Variants in HPGD observed in about 807,000 individuals in gnomAD.
The protein encoded by HPGD is 15-hydroxyprostaglandin dehydrogenase [NAD(+)].
In HPGD, 29 loss-of-function variants were observed where a neutral mutation model predicts 30.0. That is an observed-to-expected ratio of 0.97 (90% CI 0.72 to 1.32). The LOEUF is 1.32. Among genes scored for constraint, HPGD ranks in the 40% most tolerant of loss-of-function variants. The pLI, the probability that HPGD is intolerant of heterozygous loss-of-function variation, is 0.00. For synonymous variants in HPGD, 99 were observed against 112.4 expected (o/e 0.88, Z 0.75); for missense variants, 340 against 322.1 (o/e 1.06, Z -0.43).
chr4:174,522,607 A>G (rs552078994), upstream of HPGD: 723 of 537,250 alleles, frequency 1.3e-3, 3 homozygotes, highest in South Asian at 1.8e-3. Context: ...CCGCCGGGGA[A>G]CCCACGACTG....
intron 2 of HPGD, among the ~76,000 whole-genome samples, chr4:174,519,245 G>A (rs555530808): frequency 6.9e-6 from 1 of 145,938 alleles, no homozygotes; most frequent in African/African-American, 2.6e-5. Context: ...TCGGAGCCTC[G>A]TTCTGTCCCC....
intron 4 of HPGD, among the ~76,000 whole-genome samples, chr4:174,499,876 A>G (rs1734820413): frequency 6.8e-6 from 1 of 147,126 alleles, no homozygotes; most frequent in African/African-American, 2.5e-5. Flanking sequence ...TTGCTTTTCT[A>G]TGAACACTCT....
chr4:174,514,196 G>A (rs560785394), intron 3 of HPGD, among the ~76,000 whole-genome samples: 1 of 152,188 alleles, frequency 6.6e-6, no homozygotes, highest in East Asian at 1.9e-4. Context: ...GCCAAGAGAT[G>A]TAAGTATGAT....
At chr4:174,521,918 T>C (rs1237855509) in intron 2 of HPGD, 26 bp downstream of exon 2, 9 of 1,613,754 alleles carry the variant, frequency 5.6e-6, no homozygotes, top group Non-Finnish European at 7.6e-6. Flanking sequence ...ACGTTCCCAG[T>C]TGACAGATTG....
chr4:174,493,379 A>G lies in HPGD; in HGVS notation c.499-65T>C. The G allele has an allele frequency of 3.4e-6, 5 of 1,477,594 alleles. No individual in the cohort carries two copies. The South Asian group carries it at 4.6e-5, about 13-fold the overall frequency. 91.5% of individuals were successfully genotyped at this position (1,477,594 alleles called of 1,614,324 possible). Reference sequence around the variant, plus strand: ...ACATATAGCACAGGACAAACTGATCATTAAAGCATCTTACAATTTTCTGAT... The same window carrying G: ...ACATATAGCACAGGACAAACTGATCGTTAAAGCATCTTACAATTTTCTGAT... On this transcript the variant is annotated intron_variant, in intron 5 of 6. Coordinates refer to ENST00000296522, the MANE Select transcript of HPGD (RefSeq NM_000860.6).
Position 174,490,417 on chromosome 4 carries a change from T to C in HPGD, c.*1539A>G, listed in dbSNP as rs550793610. On this transcript the variant is annotated 3_prime_UTR_variant, in exon 7 of 7. Coordinates refer to ENST00000296522, the MANE Select transcript of HPGD (RefSeq NM_000860.6). The surrounding 1 kb of genome is among the most constrained non-coding windows in gnomAD (Gnocchi z 4.4). ...TATTGAAGGCTACTAGTCCAAAAAA[T>C]TGTCCATAAATGAAAAGGTTATACT... The C allele has an allele frequency of 6.6e-6, 1 of 152,282 alleles. No homozygotes were observed. The highest frequency in any genetic ancestry group is 6.6e-5 in the Admixed American group (1 of 15,266). 9.4% of individuals were successfully genotyped at this position (152,282 alleles called of 1,614,324 possible).
chr4:174,492,314 T>C lies in HPGD; in HGVS notation c.663-220A>G, dbSNP rs1454376085. Among the ~76,000 whole-genome samples, 1 of 151,972 alleles carries C rather than the reference T, an allele frequency of 6.6e-6. No homozygotes were observed. The highest frequency in any genetic ancestry group is 1.5e-5 in the Non-Finnish European group (1 of 67,870). On this transcript the variant is annotated intron_variant, in intron 6 of 6. Coordinates refer to ENST00000296522, the MANE Select transcript of HPGD (RefSeq NM_000860.6). The surrounding 1 kb of genome is among the most constrained non-coding windows in gnomAD (Gnocchi z 4.9). ...TTCAATTAGATTTCTTTCAATTGGATATTAACTAAATTATTTGATAAATTT... is the reference window on the plus strand; with the variant it reads ...TTCAATTAGATTTCTTTCAATTGGACATTAACTAAATTATTTGATAAATTT...
At chr4:174,516,237 A>C (rs1735763354) in intron 3 of HPGD, among the ~76,000 whole-genome samples, 1 of 152,166 alleles carries the variant, frequency 6.6e-6, no homozygotes, top group South Asian at 2.1e-4. Context: ...GACGGAATCA[A>C]CCTAGATGCC....
rs1735876458 is a variant in HPGD at position 174,517,958 on chromosome 4, T to A, written c.324+13A>T. The A allele has an allele frequency of 1.5e-6, 2 of 1,316,838 alleles. No homozygotes were observed. The highest frequency in any genetic ancestry group is 2.9e-5 in the African/African-American group (2 of 69,074). The allele number at this position is 1,316,838 out of a possible 1,614,324, so 81.6% of individuals were successfully genotyped here. ...AATAATTATAGACAAGAAATATAGC[T>A]AAGATAACTCACCAAATTAATTTGC... On this transcript the variant is annotated intron_variant, in intron 3 of 6. Coordinates refer to ENST00000296522, the MANE Select transcript of HPGD (RefSeq NM_000860.6).
At position 174,492,272 on chromosome 4, in the gene HPGD, CTTAT is replaced by C. The variant is rs944262615; in HGVS notation, c.663-182_663-179del. 1.3e-5 allele frequency among the ~76,000 whole-genome samples: 2 copies of C among 151,814 alleles called. No homozygotes were observed. The highest frequency in any genetic ancestry group is 2.9e-5 in the Non-Finnish European group (2 of 67,850). On this transcript the variant is annotated intron_variant, in intron 6 of 6. Transcript: ENST00000296522. This position sits in a 1 kb window ranked among gnomAD's most constrained non-coding sequence, Gnocchi z 4.9. ...CATATTAGATATCTAGATTAGATAT[CTTAT>C]TTATCTAATTTATTCAATTAGATTT...
chr4:174,501,148 C>G (rs760603412), intron 4 of HPGD, among the ~76,000 whole-genome samples: 1 of 152,020 alleles, frequency 6.6e-6, no homozygotes, highest in Non-Finnish European at 1.5e-5. Flanking sequence ...GTGTGTAAAA[C>G]CAATGGGAGG....
At chr4:174,522,587 A>T (rs1347360364), upstream of HPGD, 1 of 579,740 alleles carries the variant, frequency 1.7e-6, no homozygotes, top group Non-Finnish European at 2.8e-6. Context: ...GGAAACTGTC[A>T]AGCCAGCGCC....
chr4:174,499,915 G>A (rs963889214), intron 4 of HPGD, among the ~76,000 whole-genome samples: 1 of 151,880 alleles, frequency 6.6e-6, no homozygotes, highest in African/African-American at 2.4e-5. Flanking sequence ...TCACTCCTGA[G>A]GATAAAAATT....
intron 2 of HPGD, among the ~76,000 whole-genome samples, chr4:174,518,723 A>T (rs896254177): frequency 6.6e-6 from 1 of 152,178 alleles, no homozygotes; most frequent in Non-Finnish European, 1.5e-5. Context: ...GATTACTAGG[A>T]TTACTAGTTT....
chr4:174,522,632 T>A, upstream of HPGD: 1 of 495,274 alleles, frequency 2.0e-6, no homozygotes, highest in South Asian at 3.3e-5. Flanking sequence ...ACCTGCCCCC[T>A]GAGCGTTCTG....
chr4:174,521,463 T>C (rs1430680437), intron 2 of HPGD, among the ~76,000 whole-genome samples: 2 of 152,218 alleles, frequency 1.3e-5, no homozygotes, highest in Admixed American at 6.5e-5. Context: ...AGAAAACATA[T>C]GGTCAAAAGC....
At chr4:174,502,483 C>G (rs1037615333) in intron 4 of HPGD, among the ~76,000 whole-genome samples, 3 of 151,972 alleles carry the variant, frequency 2.0e-5, no homozygotes, top group African/African-American at 7.2e-5. Flanking sequence ...TGGTGACCAT[C>G]CTGGCTAACA....
At position 174,491,842 on chromosome 4, in the gene HPGD, T is replaced by A; in HGVS notation, c.*114A>T. 1.0e-6 allele frequency: 1 copy of A among 1,003,576 alleles called. No individual in the cohort carries two copies. Among genetic ancestry groups the A allele is most frequent in the Non-Finnish European group, 1.6e-6 (1 of 640,284 alleles). The allele number at this position is 1,003,576 out of a possible 1,614,324, so 62.2% of individuals were successfully genotyped here. A position where few individuals can be genotyped will look rare whatever the true frequency, so the allele number is the denominator to read the frequency against. ...TAGAAAACGTTTATCACCAAGTGCA[T>A]GAAGGAAAACTTCAAACTGTAACAT... On this transcript the variant is annotated 3_prime_UTR_variant, in exon 7 of 7. Transcript: ENST00000296522.
chr4:174,508,420 A>G (rs951484334), intron 4 of HPGD, among the ~76,000 whole-genome samples: 4 of 152,192 alleles, frequency 2.6e-5, no homozygotes, highest in Admixed American at 1.3e-4. Flanking sequence ...GTCTCACCAC[A>G]ACCTTTGAAA....
Sources: gnomAD v4.1 joint callset for allele counts (sites outside exome capture counted in the v4.1 genomes callset) on GRCh38, gnomAD v4.1.1 for gene constraint, Gnocchi (gnomAD v3.1) non-coding constraint, MANE v1.5 for transcripts, NCBI Gene and HGNC (gene_info 2026-07-23, HGNC 2026-07-21) for gene names.